ITIH2: variants seen among roughly 807,000 people sequenced by gnomAD.
ITIH2 encodes inter-alpha-trypsin inhibitor heavy chain H2.
In ITIH2, 103 loss-of-function variants were observed where a neutral mutation model predicts 104.4. The observed-to-expected ratio is 0.99, with a 90% CI of 0.84 to 1.16. The LOEUF is 1.16. Among genes scored for constraint, ITIH2 ranks in the 50% most tolerant of loss-of-function variants. The pLI is 0.00. For synonymous variants in ITIH2, 436 were observed against 435.4 expected (o/e 1.00, Z -0.02); for missense variants, 1,108 against 1,162.4 (o/e 0.95, Z 0.68).
At chr10:7,731,527 C>A (rs1447867648) in intron 12 of ITIH2, among the ~76,000 whole-genome samples, 1 of 152,030 alleles carries the variant, frequency 6.6e-6, no homozygotes, top group Admixed American at 6.5e-5. Flanking sequence ...AAGTTCAAGA[C>A]CAGCCTGGCC....
intron 4 of ITIH2, among the ~76,000 whole-genome samples, 189 bp from the exon 5 acceptor site, chr10:7,712,992 C>T (rs376866436): frequency 9.2e-5 from 14 of 152,042 alleles, no homozygotes; most frequent in Non-Finnish European, 1.9e-4. Context: ...TGGTGGCAGA[C>T]GCCTATAATC....
chr10:7,724,663 G>A (rs1320848431), intron 9 of ITIH2, among the ~76,000 whole-genome samples: 1 of 151,002 alleles, frequency 6.6e-6, no homozygotes, highest in Non-Finnish European at 1.5e-5. Context: ...GCCTGGGTCT[G>A]TACTCCCAGG....
At chr10:7,708,398 C>A (rs1834766392) in intron 3 of ITIH2, among the ~76,000 whole-genome samples, 1 of 152,162 alleles carries the variant, frequency 6.6e-6, no homozygotes, top group African/African-American at 2.4e-5. Flanking sequence ...GAGTGTTGGA[C>A]CAATACTTGC....
rs765207747 is a variant in ITIH2 at position 7,717,605 on chromosome 10, G to A, written c.468-21G>A. On this transcript the variant is annotated intron_variant, in intron 5 of 20. Transcript: ENST00000358415. ...CTCAATCATGTATCTGTTGACTTTT[G>A]TTGGGGGCTTTCACCTTTAGGAGCA... 7 of 1,607,004 alleles carry A rather than the reference G, an allele frequency of 4.4e-6. No homozygotes were observed. The Admixed American group carries it at 8.3e-5, about 19-fold the overall frequency.
In ITIH2 at chr10:7,703,423, C is replaced by T. The variant is rs1440192277; in HGVS notation, c.-12C>T. Reference sequence around the variant, plus strand: ...ATCTGCTTTGGGGAGCTTGGCAAAACTGTCCAGCAAAATGAAAAGACTCAC... The same window carrying T: ...ATCTGCTTTGGGGAGCTTGGCAAAATTGTCCAGCAAAATGAAAAGACTCAC... On this transcript the variant is annotated 5_prime_UTR_variant, in exon 1 of 21. Transcript: ENST00000358415. 14 of 1,610,078 alleles carry T rather than the reference C, an allele frequency of 8.7e-6. No homozygotes were observed. The Middle Eastern group carries it at 4.9e-4, about 57-fold the overall frequency.
At chr10:7,748,781 A>T (rs1382197379) in intron 20 of ITIH2, among the ~76,000 whole-genome samples, 3 of 151,654 alleles carry the variant, frequency 2.0e-5, no homozygotes. Flanking sequence ...CCTGGCCTCA[A>T]GTGGTCCGCC....
At chr10:7,707,076 T>C (rs1252074552) in intron 2 of ITIH2, 125 bp from the exon 3 acceptor site, 4 of 548,752 alleles carry the variant, frequency 7.3e-6, no homozygotes, top group African/African-American at 1.9e-5. Flanking sequence ...TCAACTCCAG[T>C]GAATGAATAA....
intron 16 of ITIH2, among the ~76,000 whole-genome samples, chr10:7,742,632 T>A (rs1835137818): frequency 6.6e-6 from 1 of 152,108 alleles, no homozygotes; most frequent in Non-Finnish European, 1.5e-5. Flanking sequence ...TTGCCCCAGC[T>A]ACTCAGGAGG....
intron 13 of ITIH2, 147 bp downstream of exon 13, chr10:7,732,143 TC>T: frequency 2.3e-6 from 2 of 861,110 alleles, no homozygotes; most frequent in Non-Finnish European, 3.6e-6. Context: ...TCTGCCATCT[TC>T]CCAGCTATTC....
Position 7,744,285 on chromosome 10 carries a change from G to A in ITIH2, c.2408+5G>A, listed in dbSNP as rs542039025. The stretch of plus-strand genomic sequence containing the variant: ...GGCTCAAGTCACGAATCAGAGGCAA[G>A]TATGATTCCATCTGAACTTGGGCCT... On this transcript the variant is annotated splice_donor_5th_base_variant and intron_variant, in intron 18 of 20. Coordinates refer to ENST00000358415, the MANE Select transcript of ITIH2 (RefSeq NM_002216.3). 2 of 1,611,912 alleles carry A rather than the reference G, an allele frequency of 1.2e-6. No homozygotes were observed. Among genetic ancestry groups the A allele is most frequent in the East Asian group, 4.5e-5 (2 of 44,854 alleles).
At chr10:7,712,924 T>A (rs1469051919) in intron 4 of ITIH2, among the ~76,000 whole-genome samples, 2 of 152,120 alleles carry the variant, frequency 1.3e-5, no homozygotes, top group East Asian at 3.9e-4. Context: ...ATCGAGACCA[T>A]CCTGGCCAAC....
intron 4 of ITIH2, among the ~76,000 whole-genome samples, chr10:7,710,704 T>C (rs1217055809): frequency 1.3e-5 from 2 of 152,222 alleles, no homozygotes; most frequent in Non-Finnish European, 2.9e-5. Flanking sequence ...AAAGGCATTG[T>C]GTCACTTTAA....
chr10:7,706,757 G>A (rs569002961), intron 2 of ITIH2, among the ~76,000 whole-genome samples: 1 of 152,268 alleles, frequency 6.6e-6, no homozygotes, highest in African/African-American at 2.4e-5. Flanking sequence ...TGAAGGGTGA[G>A]TAGGAGTTCT....
rs867687529 is a variant in ITIH2 at position 7,745,857 on chromosome 10, C to T, written c.2582-736C>T. 5.9e-5 allele frequency among the ~76,000 whole-genome samples: 9 copies of T among 151,350 alleles called. No homozygotes were observed. The Middle Eastern group carries it at 0.01, about 172-fold the overall frequency. On this transcript the variant is annotated intron_variant, in intron 19 of 20. Coordinates refer to ENST00000358415, the MANE Select transcript of ITIH2 (RefSeq NM_002216.3). ...GCAACCGCTGCCTCCCCGGTTCATG[C>T]GATTCTCTTCCCTCAGCCTCCCGAG...
intron 16 of ITIH2, among the ~76,000 whole-genome samples, chr10:7,742,223 G>C (rs1247473961): frequency 6.6e-6 from 1 of 151,214 alleles, no homozygotes; most frequent in African/African-American, 2.4e-5. Context: ...TTGTTGAATG[G>C]TTAAATGGGA....
At chr10:7,707,125 C>T (rs768679050) in intron 2 of ITIH2, 76 bp from the exon 3 acceptor site, 61 of 1,001,866 alleles carry the variant, frequency 6.1e-5, no homozygotes, top group Non-Finnish European at 8.8e-5. Context: ...TCTTTTTTGA[C>T]TGAGAAAACG....
In ITIH2 at chr10:7,744,971, G is replaced by A. The variant is rs1236219371; in HGVS notation, c.2581+8G>A. Reference sequence around the variant, plus strand: ...AAGCCCACGGACTAATAGGTAAAGTGTCTATTGACCATCTGACAAGGGTGG... The same window carrying A: ...AAGCCCACGGACTAATAGGTAAAGTATCTATTGACCATCTGACAAGGGTGG... On this transcript the variant is annotated splice_region_variant and intron_variant, in intron 19 of 20. Coordinates refer to ENST00000358415, the MANE Select transcript of ITIH2 (RefSeq NM_002216.3). 2.5e-6 allele frequency: 4 copies of A among 1,611,374 alleles called. No homozygotes were observed. Among genetic ancestry groups the A allele is most frequent in the East Asian group, 4.5e-5 (2 of 44,868 alleles).
chr10:7,738,572 C>T (rs377169325), intron 15 of ITIH2, 49 bp from the exon 16 acceptor site: 7 of 1,606,956 alleles, frequency 4.4e-6, no homozygotes, highest in Non-Finnish European at 6.0e-6. Context: ...GAGCAATTTC[C>T]GTGGAAACGT....
intron 12 of ITIH2, among the ~76,000 whole-genome samples, 189 bp from the exon 13 acceptor site, chr10:7,731,622 G>T (rs1162582761): frequency 4.6e-5 from 7 of 152,040 alleles, no homozygotes; most frequent in South Asian, 4.2e-4. Flanking sequence ...CTACTTGTGG[G>T]GCTGAGGTGG....
Sources: allele counts gnomAD v4.1 joint callset (sites outside exome capture counted in the v4.1 genomes callset), GRCh38; gene constraint gnomAD v4.1.1; transcripts MANE v1.5; gene names NCBI Gene and HGNC (gene_info 2026-07-23, HGNC 2026-07-21).